The following ARHGEF28 variants were observed in gnomAD, a reference collection of about 807,000 sequenced individuals.
ARHGEF28 encodes the protein Rho guanine nucleotide exchange factor 28, also known as 190 kDa guanine nucleotide exchange factor.
A neutral mutation model predicts 206.6 loss-of-function variants in ARHGEF28; 152 were observed. That is an observed-to-expected ratio of 0.74 (90% CI 0.64 to 0.84). The LOEUF is 0.84. Ranked by LOEUF, ARHGEF28 falls within the 40% of genes least tolerant of loss-of-function variation. The pLI, the probability that ARHGEF28 is intolerant of heterozygous loss-of-function variation, is 0.00. For missense variants in ARHGEF28, 2,028 were observed against 2,073.2 expected (o/e 0.98, Z 0.42); for synonymous variants, 763 against 776.4 (o/e 0.98, Z 0.29).
At chr5:73,637,928 G>GT (rs147241483) in intron 1 of ARHGEF28, among the ~76,000 whole-genome samples, 7,508 of 150,046 alleles carry the variant, frequency 0.05, 452 homozygotes, top group East Asian at 0.33. Flanking sequence ...GTATTGTTTA[G>GT]TTTTTTTTTT....
At chr5:73,682,912 G>T (rs1747200600) in intron 1 of ARHGEF28, among the ~76,000 whole-genome samples, 1 of 152,120 alleles carries the variant, frequency 6.6e-6, no homozygotes, top group South Asian at 2.1e-4. Context: ...GGGAGGCAAG[G>T]GTGCAGGGAC....
chr5:73,767,946 CA>C (rs1752994639), intron 4 of ARHGEF28, among the ~76,000 whole-genome samples: 1 of 152,114 alleles, frequency 6.6e-6, no homozygotes, highest in Admixed American at 6.5e-5. Flanking sequence ...TGGTGCTTGG[CA>C]TCCCAGCTGC....
At chr5:73,741,377 GTGTGTGTGTATATATATATA>G (rs1751390999) in intron 2 of ARHGEF28, among the ~76,000 whole-genome samples, 1 of 73,058 alleles carries the variant, frequency 1.4e-5, no homozygotes, top group Non-Finnish European at 2.4e-5. Context: ...GTGTGTGTGT[GTGTGTGTGTATATATATATA>G]TATATATATA....
chr5:73,633,818 C>T (rs1296053145), intron 1 of ARHGEF28, among the ~76,000 whole-genome samples: 1 of 151,934 alleles, frequency 6.6e-6, no homozygotes, highest in Non-Finnish European at 1.5e-5. Context: ...CTCAGGTGAT[C>T]TACCCCCGTT....
intron 25 of ARHGEF28, 150 bp downstream of exon 25, chr5:73,886,254 G>A (rs555817203): frequency 8.4e-5 from 85 of 1,012,116 alleles, no homozygotes; most frequent in Admixed American, 4.9e-4. Context: ...AATTTCAATA[G>A]GCAAATTTGG....
At chr5:73,916,614 C>T (rs764999707) in intron 35 of ARHGEF28, among the ~76,000 whole-genome samples, 3 of 152,078 alleles carry the variant, frequency 2.0e-5, no homozygotes, top group Non-Finnish European at 2.9e-5. Flanking sequence ...TGGATTAGGG[C>T]CCACCATAAT....
At chr5:73,747,267 A>G (rs1422385948) in intron 2 of ARHGEF28, among the ~76,000 whole-genome samples, 1 of 152,178 alleles carries the variant, frequency 6.6e-6, no homozygotes, top group Non-Finnish European at 1.5e-5. Flanking sequence ...TGAAAGAGAT[A>G]CTTTGGAATT....
intron 9 of ARHGEF28, among the ~76,000 whole-genome samples, chr5:73,804,525 A>C (rs1755328134): frequency 6.6e-6 from 1 of 152,270 alleles, no homozygotes. Context: ...CATTCTTTAA[A>C]ATTTTTTTAA....
rs540838470 is a variant in ARHGEF28, at chr5:73,849,048, C to T, written c.1708C>T (p.Arg570Cys). 1.1e-5 allele frequency: 18 copies of T among 1,574,746 alleles called. No homozygotes were observed. Among genetic ancestry groups the T allele is most frequent in the African/African-American group, 5.4e-5 (4 of 74,200 alleles). Residue 570 changes from arginine to cysteine, a missense_variant, in exon 13 of 36, where the codon CGT becomes TGT. Physicochemically the swap from Arg to Cys is radical, Grantham distance 180. Around this residue, in one of 3 missense-constraint regions of ARHGEF28, gnomAD observed 1,002 missense variants for 1,015.3 expected, o/e 0.99. Coordinates refer to ENST00000513042, the MANE Select transcript of ARHGEF28 (RefSeq NM_001177693.2). Reference protein sequence around the residue: ...SSPKISLGKTRLVRELTVCSS... With the variant: ...SSPKISLGKTCLVRELTVCSS... ...ACCCAAAATTTCTTTAGGAAAAACTCGTTTGGTGCGTGAATTAACAGTATG... is the reference window on the plus strand; with the variant it reads ...ACCCAAAATTTCTTTAGGAAAAACTTGTTTGGTGCGTGAATTAACAGTATG...
chr5:73,800,447 T>C (rs1477751048), intron 9 of ARHGEF28, among the ~76,000 whole-genome samples: 1 of 152,144 alleles, frequency 6.6e-6, no homozygotes, highest in African/African-American at 2.4e-5. Context: ...GATCAGTACA[T>C]GTAGGGGCTC....
rs1389370191 is a variant in ARHGEF28, at chr5:73,858,216, T to C, written c.2044T>C (p.Ser682Pro). 6.9e-6 allele frequency: 11 copies of C among 1,584,158 alleles called. No individual in the cohort carries two copies. The highest frequency in any genetic ancestry group is 9.4e-6 in the Non-Finnish European group (11 of 1,170,760). ...TLLGKESLQC[S>P]NCNANVHKGC... ...CCTGGGGAAAGAGTCACTGCAGTGT[T>C]CTAGTAAGTTCTCAGGTCTATGTGC... The change falls in exon 16 of 36, where the codon TCT (serine) becomes CCT (proline). Residue 682 changes from serine to proline, a missense_variant. Around this residue, in one of 3 missense-constraint regions of ARHGEF28, gnomAD observed 1,002 missense variants for 1,015.3 expected, o/e 0.99. Coordinates refer to ENST00000513042, the MANE Select transcript of ARHGEF28 (RefSeq NM_001177693.2).
In ARHGEF28 at chr5:73,866,023, G is replaced by A. The variant is rs759955148; in HGVS notation, c.2152+10G>A. ...CAGACCATCCTTGGAAGTAAGTGAT[G>A]TAGAAAACGACAAGAACTTTTAAAA... is the stretch of plus-strand genomic sequence containing the variant. On this transcript the variant is annotated intron_variant, in intron 18 of 35. Transcript: ENST00000513042. The A allele has an allele frequency of 2.5e-6, 4 of 1,590,950 alleles. No individual in the cohort carries two copies. The Middle Eastern group carries it at 5.0e-4, about 200-fold the overall frequency.
At chr5:73,873,969 T>C (rs1029117700) in intron 22 of ARHGEF28, among the ~76,000 whole-genome samples, 2 of 152,214 alleles carry the variant, frequency 1.3e-5, no homozygotes, top group Non-Finnish European at 2.9e-5. Context: ...AGAGTGGTTG[T>C]ACCATTTTAC....
chr5:73,659,743 G>A (rs549076006), intron 1 of ARHGEF28, among the ~76,000 whole-genome samples: 1 of 152,166 alleles, frequency 6.6e-6, no homozygotes, highest in African/African-American at 2.4e-5. Context: ...GTCACATGAG[G>A]TTTTTGGTTT....
At chr5:73,697,662 C>T (rs997516916) in intron 2 of ARHGEF28, among the ~76,000 whole-genome samples, 17 of 152,130 alleles carry the variant, frequency 1.1e-4, no homozygotes, top group African/African-American at 3.1e-4. Context: ...GGTCTCTGCC[C>T]TCATGATCCA....
Position 73,867,889 on chromosome 5 carries a change from A to C in ARHGEF28, c.2166A>C (p.Arg722Ser). 6.2e-7 allele frequency: 1 copy of C among 1,613,966 alleles called. No homozygotes were observed. The highest frequency in any genetic ancestry group is 8.5e-7 in the Non-Finnish European group (1 of 1,179,872). The change falls in exon 19 of 36, where the codon AGA becomes AGC. Residue 722 changes from arginine (R) to serine (S), a missense_variant. Physicochemically the swap from Arg to Ser is moderately radical, Grantham distance 110. Around this residue, in one of 3 missense-constraint regions of ARHGEF28, gnomAD observed 1,002 missense variants for 1,015.3 expected, o/e 0.99. Transcript: ENST00000513042. ...PQTILGNSSF[R>S]DIPQPGLSLH... ...TCTGATTTCCAGATTCTTCATTTAG[A>C]GACATCCCACAGCCTGGTCTCTCCT...
chr5:73,727,606 A>T (rs1482391123), intron 2 of ARHGEF28, among the ~76,000 whole-genome samples: 2 of 152,066 alleles, frequency 1.3e-5, no homozygotes, highest in Non-Finnish European at 2.9e-5. Flanking sequence ...AATTCTCTCC[A>T]CTTGCTCTTG....
Position 73,893,763 on chromosome 5 carries a change from C to G in ARHGEF28, c.3658+475C>G, listed in dbSNP as rs114260279. Among the ~76,000 whole-genome samples the G allele has an allele frequency of 8.4e-3, 1,286 of 152,304 alleles. 12 individuals carry two copies. The highest frequency in any genetic ancestry group is 0.058 in the Middle Eastern group (17 of 294). On this transcript the variant is annotated intron_variant, in intron 28 of 35. Transcript: ENST00000513042. ...ACGGATGCCTGGGCCTCACCCTCCA[C>G]CGATTGAATCCGAATCTGTGGCAGG...
intron 20 of ARHGEF28, among the ~76,000 whole-genome samples, chr5:73,868,760 C>T (rs894629017): frequency 6.6e-5 from 10 of 152,104 alleles, no homozygotes; most frequent in African/African-American, 2.4e-4. Context: ...GATTCTCCTG[C>T]CACAGCCTCC....
Sources: gnomAD v4.1 joint callset for allele counts (sites outside exome capture counted in the v4.1 genomes callset) on GRCh38, gnomAD v4.1.1 for gene constraint, gnomAD v4.1.1 regional missense constraint, MANE v1.5 for transcripts, NCBI Gene and HGNC (gene_info 2026-07-23, HGNC 2026-07-21) for gene names.